The following CYFIP2 variants were observed in gnomAD, a reference collection of about 807,000 sequenced individuals.
CYFIP2 encodes cytoplasmic FMR1-interacting protein 2.
CYFIP2 carries 29 observed loss-of-function variants against 158.7 expected under a neutral mutation model. The observed-to-expected ratio is 0.18, with a 90% CI of 0.14 to 0.25. The LOEUF (loss-of-function observed/expected upper bound fraction) is 0.25, where lower values mean the gene tolerates loss of function less well. Ranked by LOEUF, CYFIP2 falls within the 10% of genes least tolerant of loss-of-function variation. The pLI, the probability that CYFIP2 is intolerant of heterozygous loss-of-function variation, is 1.00. For missense variants in CYFIP2, 852 were observed against 1,639.5 expected (o/e 0.52, Z 8.29); for synonymous variants, 585 against 617.6 (o/e 0.95, Z 0.78).
At chr5:157,330,239 AATGTGTGT>A (rs1761339283) in intron 19 of CYFIP2, among the ~76,000 whole-genome samples, 1 of 113,368 alleles carries the variant, frequency 8.8e-6, no homozygotes, top group African/African-American at 3.3e-5. Flanking sequence ...TGAGATTTAA[AATGTGTGT>A]GTGTGTGTGT....
chr5:157,330,894 A>C (rs1423739409), intron 20 of CYFIP2, 44 bp downstream of exon 20: 10 of 1,458,974 alleles, frequency 6.9e-6, no homozygotes, highest in Admixed American at 1.7e-5. Context: ...GGGGCAGGAG[A>C]GAGCAGCTGC....
chr5:157,325,282 T>G (rs1439055476), intron 16 of CYFIP2, among the ~76,000 whole-genome samples, 200 bp from the exon 17 acceptor site: 1 of 152,102 alleles, frequency 6.6e-6, no homozygotes, highest in Non-Finnish European at 1.5e-5. Flanking sequence ...AACCACTGCC[T>G]CTCAAGCTTA....
Position 157,390,731 on chromosome 5 carries a change from G to A in CYFIP2, c.3594+63G>A, listed in dbSNP as rs554573902. ...TGGGCTGACAACCAGGCTTTTACCA[G>A]AAAAGCAAACAAGGAGGAGCTGCTT... is the stretch of plus-strand genomic sequence containing the variant. On this transcript the variant is annotated intron_variant, in intron 30 of 30. Coordinates refer to ENST00000620254, the MANE Select transcript of CYFIP2 (RefSeq NM_001037333.3). 4.5e-5 allele frequency: 70 copies of A among 1,549,470 alleles called. 1 individual carries two copies. In the South Asian group the frequency reaches 7.5e-4, roughly 17 times the overall value.
rs111326093 is a variant in CYFIP2 at position 157,361,356 on chromosome 5, T to G, written c.2909-112T>G. The G allele has an allele frequency of 2.0e-4, 284 of 1,410,330 alleles. No individual in the cohort carries two copies. The African/African-American group carries it at 3.3e-3, about 17-fold the overall frequency. The allele number at this position is 1,410,330 out of a possible 1,614,324, so 87.4% of individuals were successfully genotyped here. On this transcript the variant is annotated intron_variant, in intron 25 of 30. Transcript: ENST00000620254. This position sits in a 1 kb window ranked among gnomAD's most constrained non-coding sequence, Gnocchi z 4.4. ...CTGCAGGTAAGAGGGATGCGTGGTT[T>G]GGCTTTTTGCTATCCCAGAGTCAGG...
chr5:157,300,945 C>A, intron 6 of CYFIP2, 49 bp downstream of exon 6: 1 of 1,459,164 alleles, frequency 6.9e-7, no homozygotes, highest in South Asian at 1.4e-5. Flanking sequence ...GCCCCTCCTC[C>A]AGGGCTGCCT....
rs1385946866 is a variant in CYFIP2 at position 157,339,261 on chromosome 5, G to A, written c.2585+5G>A. On this transcript the variant is annotated splice_donor_5th_base_variant and intron_variant, in intron 22 of 30. Transcript: ENST00000620254. ...CTACAATGGGTCCACTAACCGGTAA[G>A]GGAGTCCCTGTGCAGAGGGGGCCGG... is the stretch of plus-strand genomic sequence containing the variant. 1.9e-6 allele frequency: 3 copies of A among 1,613,252 alleles called. No individual in the cohort carries two copies. Among genetic ancestry groups the A allele is most frequent in the Non-Finnish European group, 2.5e-6 (3 of 1,179,488 alleles).
intron 15 of CYFIP2, chr5:157,322,868 CTT>C: frequency 7.2e-7 from 1 of 1,387,316 alleles, no homozygotes; most frequent in Non-Finnish European, 9.9e-7. Flanking sequence ...CTCTCTCTCT[CTT>C]TCTCTCTCTC....
intron 26 of CYFIP2, among the ~76,000 whole-genome samples, chr5:157,362,197 A>G (rs906783027): frequency 1.1e-4 from 16 of 152,312 alleles, no homozygotes; most frequent in African/African-American, 3.6e-4. Context: ...GCAGAAAAGA[A>G]TGTTAGCTCC....
At chr5:157,365,667 A>T (rs1001704202) in intron 26 of CYFIP2, among the ~76,000 whole-genome samples, 1 of 151,734 alleles carries the variant, frequency 6.6e-6, no homozygotes, top group Non-Finnish European at 1.5e-5. Context: ...TGGTTCTTTC[A>T]TGCCCTCTTC....
chr5:157,381,311 T>C (rs1766042256), intron 26 of CYFIP2, among the ~76,000 whole-genome samples: 1 of 151,898 alleles, frequency 6.6e-6, no homozygotes, highest in South Asian at 2.1e-4. Flanking sequence ...TACATATCAT[T>C]ATTGTACATG....
intron 21 of CYFIP2, among the ~76,000 whole-genome samples, chr5:157,336,055 G>A (rs554835917): frequency 6.6e-6 from 1 of 152,110 alleles, no homozygotes; most frequent in African/African-American, 2.4e-5. Flanking sequence ...TCAGGGAAGC[G>A]CTCTCCGATG....
intron 23 of CYFIP2, among the ~76,000 whole-genome samples, chr5:157,348,227 T>C (rs568517019): frequency 1.3e-5 from 2 of 152,368 alleles, no homozygotes; most frequent in Admixed American, 1.3e-4. Flanking sequence ...CAAGCCCCAG[T>C]CCCAAAGCTG....
chr5:157,329,860 G>T (rs1388969564), intron 19 of CYFIP2, among the ~76,000 whole-genome samples: 3 of 152,112 alleles, frequency 2.0e-5, no homozygotes, highest in Non-Finnish European at 2.9e-5. Context: ...AAAACCTTTT[G>T]GTGCCTTTTA....
chr5:157,352,009 AAAACAAAACTTT>A (rs547500860), intron 23 of CYFIP2, among the ~76,000 whole-genome samples: 6 of 152,202 alleles, frequency 3.9e-5, no homozygotes, highest in Non-Finnish European at 8.8e-5. Flanking sequence ...GATGCTCAAT[AAAACAAAACTTT>A]AACAACTGGT....
chr5:157,308,739 C>G (rs935271886), intron 9 of CYFIP2, among the ~76,000 whole-genome samples: 2 of 152,134 alleles, frequency 1.3e-5, no homozygotes, highest in Non-Finnish European at 2.9e-5. Flanking sequence ...AAGGGTGGAA[C>G]TTTTACTTTT....
chr5:157,366,112 C>T (rs1764347202), intron 26 of CYFIP2, among the ~76,000 whole-genome samples: 1 of 152,138 alleles, frequency 6.6e-6, no homozygotes, highest in Admixed American at 6.6e-5. Flanking sequence ...TCTTTGCAGC[C>T]TCATAAACAA....
chr5:157,338,658 T>G (rs2113225452), intron 21 of CYFIP2, among the ~76,000 whole-genome samples: 1 of 152,306 alleles, frequency 6.6e-6, no homozygotes, highest in Admixed American at 6.5e-5. Context: ...CGTCATAGGG[T>G]TCAACCTAAT....
chr5:157,360,965 T>C (rs978456976), intron 25 of CYFIP2, among the ~76,000 whole-genome samples: 1 of 152,174 alleles, frequency 6.6e-6, no homozygotes, highest in Non-Finnish European at 1.5e-5. Flanking sequence ...AAGGCTAAAA[T>C]TTCTGGTGTT....
chr5:157,328,041 G>C lies in CYFIP2; in HGVS notation c.2148G>C (p.Met716Ile). ...ADQIFAYYKA[M>I]AGSVLLDKRF... ...AGATCTTTGCTTACTACAAAGCCAT[G>C]GCTGGCAGGTAGGAAAGCCCCAGAG... Residue 716 changes from methionine (M) to isoleucine (I), a missense_variant, in exon 19 of 31, where the codon ATG becomes ATC. This residue lies in a region of CYFIP2 where 191 missense variants were observed against 311.2 expected (regional missense o/e 0.61). Transcript: ENST00000620254. The C allele has an allele frequency of 6.2e-7, 1 of 1,613,764 alleles. No homozygotes were observed. Among genetic ancestry groups the C allele is most frequent in the Non-Finnish European group, 8.5e-7 (1 of 1,179,786 alleles).
Sources: gnomAD v4.1 joint callset for allele counts (sites outside exome capture counted in the v4.1 genomes callset) on GRCh38, gnomAD v4.1.1 for gene constraint, gnomAD v4.1.1 regional missense constraint, Gnocchi (gnomAD v3.1) non-coding constraint, MANE v1.5 for transcripts, NCBI Gene and HGNC (gene_info 2026-07-23, HGNC 2026-07-21) for gene names.